The following EYS variants were observed in gnomAD, a reference collection of about 807,000 sequenced individuals.
EYS encodes EGF-like photoreceptor maintenance factor, also known as protein eyes shut homolog.
Under a neutral mutation model 282.1 loss-of-function variants are expected in EYS, and 250 were observed. The observed-to-expected ratio is 0.89, with a 90% CI of 0.80 to 0.98. The LOEUF is 0.98. Ranked by LOEUF, EYS falls within the 50% of genes least tolerant of loss-of-function variation. The pLI is 0.00. For synonymous variants in EYS, 1,355 were observed against 1,282.9 expected (o/e 1.06, Z -1.20); for missense variants, 4,016 against 3,709.0 (o/e 1.08, Z -2.15).
chr6:65,088,280 T>C (rs1581898372), intron 12 of EYS, among the ~76,000 whole-genome samples: 1 of 151,664 alleles, frequency 6.6e-6, no homozygotes, highest in South Asian at 2.1e-4. Flanking sequence ...TAGGAAGAGG[T>C]TGGAACAGTT....
intron 36 of EYS, among the ~76,000 whole-genome samples, chr6:63,840,504 T>C (rs1771928517): frequency 6.6e-6 from 1 of 151,938 alleles, no homozygotes; most frequent in African/African-American, 2.4e-5. Context: ...ACTCTGTTGA[T>C]TTTTTTTCCT....
chr6:65,443,699 CAT>C (rs1165560093), intron 5 of EYS, among the ~76,000 whole-genome samples: 4 of 150,452 alleles, frequency 2.7e-5, no homozygotes, highest in South Asian at 2.1e-4. Context: ...CATATATACA[CAT>C]ATGTGCATAT....
At chr6:64,003,998 TAGAC>T (rs1387935675) in intron 33 of EYS, among the ~76,000 whole-genome samples, 2 of 152,196 alleles carry the variant, frequency 1.3e-5, no homozygotes, top group Non-Finnish European at 2.9e-5. Flanking sequence ...CTCTATAAAT[TAGAC>T]AGTCTGGGAC....
rs940884300 is a variant in EYS at position 65,595,319 on chromosome 6, T to A, written c.-333+44459A>T. ...GAATATCACACACTGGGTCCTGTTG[T>A]GTGGTAGGTGGACAGGGGAGGGATA... On this transcript the variant is annotated intron_variant, in intron 2 of 42. Transcript: ENST00000503581. Among the ~76,000 whole-genome samples, 31 of 152,078 alleles carry A rather than the reference T, an allele frequency of 2.0e-4. 1 individual carries two copies. The highest frequency in any genetic ancestry group is 7.2e-4 in the African/African-American group (30 of 41,512).
intron 26 of EYS, among the ~76,000 whole-genome samples, chr6:64,449,749 C>A (rs912432588): frequency 7.9e-5 from 12 of 152,202 alleles, no homozygotes; most frequent in Middle Eastern, 3.4e-3. Context: ...TCATATCCAG[C>A]CAAACTAAGC....
chr6:64,238,151 T>G (rs995937093), intron 30 of EYS, among the ~76,000 whole-genome samples: 1 of 152,200 alleles, frequency 6.6e-6, no homozygotes, highest in South Asian at 2.1e-4. Flanking sequence ...ACAAATGCAT[T>G]TCTTTCTCAC....
At chr6:64,380,278 G>T (rs932323737) in intron 29 of EYS, among the ~76,000 whole-genome samples, 33 of 152,100 alleles carry the variant, frequency 2.2e-4, no homozygotes, top group Admixed American at 1.9e-3. Flanking sequence ...GTTAATTTGT[G>T]TTTGGGATTT....
At chr6:65,279,544 T>A (rs1052270609) in intron 12 of EYS, among the ~76,000 whole-genome samples, 3 of 152,202 alleles carry the variant, frequency 2.0e-5, no homozygotes, top group African/African-American at 7.2e-5. Context: ...TCTTTGTTCA[T>A]CTGTGTTTTC....
intron 19 of EYS, among the ~76,000 whole-genome samples, chr6:64,840,597 T>C (rs1014143372): frequency 6.6e-6 from 1 of 152,100 alleles, no homozygotes; most frequent in Non-Finnish European, 1.5e-5. Flanking sequence ...ATTCATTTGT[T>C]GTGGATAACA....
At chr6:64,730,701 C>G (rs550324310) in intron 22 of EYS, 1 of 152,220 alleles carries the variant, frequency 6.6e-6, no homozygotes, top group Admixed American at 6.5e-5. Context: ...TGGTCTCCAT[C>G]TCTTGACCTA....
chr6:64,328,568 G>A (rs1353139980), intron 29 of EYS, among the ~76,000 whole-genome samples: 2 of 152,222 alleles, frequency 1.3e-5, no homozygotes, highest in African/African-American at 4.8e-5. Context: ...CGGGTAATCA[G>A]TGTATGGTTA....
chr6:65,277,478 T>A (rs1040067192), intron 12 of EYS, among the ~76,000 whole-genome samples: 1 of 150,172 alleles, frequency 6.7e-6, no homozygotes, highest in Admixed American at 6.6e-5. Flanking sequence ...CCCGGAAAAC[T>A]TTTTTTCCTC....
At chr6:64,435,819 T>G (rs1056485475) in intron 28 of EYS, among the ~76,000 whole-genome samples, 1 of 151,888 alleles carries the variant, frequency 6.6e-6, no homozygotes, top group Non-Finnish European at 1.5e-5. Context: ...TTTCCTTCTT[T>G]ATGCTTTTCT....
At chr6:65,201,398 T>C (rs546706167) in intron 12 of EYS, among the ~76,000 whole-genome samples, 253 of 152,304 alleles carry the variant, frequency 1.7e-3, no homozygotes, top group African/African-American at 5.8e-3. Flanking sequence ...TGATATATTT[T>C]AATAATGTAA....
At chr6:65,014,015 C>G (rs1018105526) in intron 13 of EYS, among the ~76,000 whole-genome samples, 2 of 152,170 alleles carry the variant, frequency 1.3e-5, no homozygotes, top group Non-Finnish European at 2.9e-5. Flanking sequence ...TTGAGTGGGT[C>G]TGACTAAATC....
intron 14 of EYS, among the ~76,000 whole-genome samples, chr6:64,983,972 G>A (rs74820607): frequency 2.6e-3 from 386 of 151,338 alleles, no homozygotes; most frequent in Middle Eastern, 0.01. Flanking sequence ...AAAGTAGAGC[G>A]CTGTCTAAAG....
chr6:65,611,832 C>T (rs1010406357), intron 2 of EYS, among the ~76,000 whole-genome samples: 13 of 151,962 alleles, frequency 8.6e-5, no homozygotes, highest in Admixed American at 5.3e-4. Flanking sequence ...TCATCAGGAT[C>T]GTTAAAAGAT....
intron 31 of EYS, among the ~76,000 whole-genome samples, chr6:64,145,250 A>C (rs1774472757): frequency 6.6e-6 from 1 of 152,226 alleles, no homozygotes; most frequent in African/African-American, 2.4e-5. Flanking sequence ...AGTCTTAAAC[A>C]TACATGATGT....
At chr6:64,584,223 A>C (rs1766159320) in intron 26 of EYS, among the ~76,000 whole-genome samples, 1 of 151,958 alleles carries the variant, frequency 6.6e-6, no homozygotes, top group African/African-American at 2.4e-5. Flanking sequence ...ATTAAAAACA[A>C]CATTAAGGTT....
Sources: allele counts gnomAD v4.1 joint callset (sites outside exome capture counted in the v4.1 genomes callset), GRCh38; gene constraint gnomAD v4.1.1; transcripts MANE v1.5; gene names NCBI Gene and HGNC (gene_info 2026-07-23, HGNC 2026-07-21).